The following ASPM variants were observed in gnomAD, a reference collection of about 807,000 sequenced individuals.
The protein encoded by ASPM is abnormal spindle-like microcephaly-associated protein.
A neutral mutation model predicts 366.4 loss-of-function variants in ASPM; 256 were observed. The ratio of observed to expected loss-of-function variants is 0.70; its 90% CI spans 0.63 to 0.77. ASPM has a LOEUF of 0.77. Among genes scored for constraint, ASPM ranks in the 30% least tolerant of loss-of-function variants. The pLI, the probability that ASPM is intolerant of heterozygous loss-of-function variation, is 0.00. For synonymous variants in ASPM, 1,414 were observed against 1,342.9 expected (o/e 1.05, Z -1.16); for missense variants, 4,146 against 4,090.4 (o/e 1.01, Z -0.37).
chr1:197,135,235 G>C lies in ASPM; in HGVS notation c.2034C>G (p.Pro678=), dbSNP rs1353187923. The part of the protein sequence containing the change: ...TFIKPLKTDI[P]RHPMPFAAKN... Reference sequence around the variant, plus strand: ...TTGCAGCAAATGGCATCGGGTGTCTGGGAATATCTAAGAATACAATTAGGT... The same window carrying C: ...TTGCAGCAAATGGCATCGGGTGTCTCGGAATATCTAAGAATACAATTAGGT... The change falls in exon 5 of 28, where the codon CCC becomes CCG. Residue 678 remains proline, a synonymous_variant. Coordinates refer to ENST00000367409, the MANE Select transcript of ASPM (RefSeq NM_018136.5). The C allele has an allele frequency of 6.2e-7, 1 of 1,613,910 alleles. No individual in the cohort carries two copies. The highest frequency in any genetic ancestry group is 1.7e-5 in the Admixed American group (1 of 60,016).
rs537315382 is a variant in ASPM at position 197,121,012 on chromosome 1, C to T, written c.3870+903G>A. Among the ~76,000 whole-genome samples, 4 of 152,218 alleles carry T rather than the reference C, an allele frequency of 2.6e-5. No individual in the cohort carries two copies. In the East Asian group the frequency reaches 7.7e-4, roughly 29 times the overall value. ...GTTGTCAAAATTTATCTGTTTTACA[C>T]AGCTACCAAGAACTTTATCACAGAT... On this transcript the variant is annotated intron_variant, in intron 16 of 27. Transcript: ENST00000367409.
Position 197,090,003 on chromosome 1 carries a change from C to A in ASPM, c.9911G>T (p.Arg3304Leu). The A allele has an allele frequency of 2.5e-6, 4 of 1,613,044 alleles. No individual in the cohort carries two copies. Among genetic ancestry groups the A allele is most frequent in the Non-Finnish European group, 3.4e-6 (4 of 1,179,478 alleles). Residue 3304 changes from arginine to leucine, a missense_variant, in exon 25 of 28, where the codon CGA becomes CTA. Coordinates refer to ENST00000367409, the MANE Select transcript of ASPM (RefSeq NM_018136.5). Reference sequence around the variant, plus strand: ...ACAAGGAATACTGCGATTACAACTTCGGATCAAAACAAATATTTTAGAAAT... The same window carrying A: ...ACAAGGAATACTGCGATTACAACTTAGGATCAAAACAAATATTTTAGAAAT... ...GAISKIFVLIRSCNRSIPCME... is the reference protein window; with the variant it reads ...GAISKIFVLILSCNRSIPCME...
In ASPM at chr1:197,109,895, T is replaced by C. The variant is rs556844167; in HGVS notation, c.4066-4710A>G. On this transcript the variant is annotated intron_variant, in intron 17 of 27. Transcript: ENST00000367409. ...CAAAATAAAATAAGATACTGAGGTA[T>C]GAATCTAACAAAAAGCTGATGATGA... 6.5e-4 allele frequency among the ~76,000 whole-genome samples: 99 copies of C among 152,150 alleles called. 2 individuals are homozygous for C. Among genetic ancestry groups the C allele is most frequent in the Admixed American group, 5.5e-3 (84 of 15,262 alleles).
In ASPM at chr1:197,105,407, T is replaced by A. The variant is rs112887421; in HGVS notation, c.4066-222A>T. Among the ~76,000 whole-genome samples the A allele has an allele frequency of 8.4e-3, 1,274 of 152,120 alleles. 15 individuals are homozygous for A. The highest frequency in any genetic ancestry group is 0.028 in the African/African-American group (1,173 of 41,532). ...AATCCATCCAAATCTTCATTATATT[T>A]AAATACTGCATTTGTATGCCAGAAT... On this transcript the variant is annotated intron_variant, in intron 17 of 27. Coordinates refer to ENST00000367409, the MANE Select transcript of ASPM (RefSeq NM_018136.5).
intron 5 of ASPM, among the ~76,000 whole-genome samples, chr1:197,134,832 G>A (rs1038428179): frequency 6.6e-6 from 1 of 152,200 alleles, no homozygotes; most frequent in Admixed American, 6.5e-5. Context: ...TGCCCAAAGT[G>A]GGCAGGCCAC....
rs139431502 is a variant in ASPM at position 197,105,168 on chromosome 1, A to G, written c.4083T>C (p.Tyr1361=). The change falls in exon 18 of 28, where the codon TAT becomes TAC. Residue 1361 remains tyrosine, a synonymous_variant. Coordinates refer to ENST00000367409, the MANE Select transcript of ASPM (RefSeq NM_018136.5). The part of the protein sequence containing the change: ...ASLIQGYWRR[Y]STRQRFLKLK... ...ATTTCAGAAATCTTTGTCTAGTGGA[A>G]TATCTTCTCCAATATCCCTGGAAAA... 38 of 1,605,688 alleles carry G rather than the reference A, an allele frequency of 2.4e-5. No individual in the cohort carries two copies. The highest frequency in any genetic ancestry group is 3.0e-5 in the Non-Finnish European group (35 of 1,173,554).
At chr1:197,084,522 G>T in intron 27 of ASPM, 96 bp from the exon 28 acceptor site, 1 of 783,580 alleles carries the variant, frequency 1.3e-6, no homozygotes, top group Non-Finnish European at 2.2e-6. Flanking sequence ...AGCTACTCCT[G>T]AACACATCAT....
chr1:197,102,509 C>A lies in ASPM; in HGVS notation c.6742G>T (p.Ala2248Ser). The change falls in exon 18 of 28, where the codon GCT becomes TCT. Residue 2248 changes from alanine to serine, a missense_variant. Physicochemically the swap from Ala to Ser is moderately conservative, Grantham distance 99. This residue lies in a region of ASPM where 3,624 missense variants were observed against 3,591.7 expected (regional missense o/e 1.01). Transcript: ENST00000367409. Reference protein sequence around the residue: ...KLRHSVIYIQAIFRGKKARRH... With the variant: ...KLRHSVIYIQSIFRGKKARRH... ...CTAGCTTTCTTTCCCCTAAAAATAG[C>A]CTGAATGTATATTACAGAATGCCTC... 1 of 1,612,630 alleles carries A rather than the reference C, an allele frequency of 6.2e-7. No individual in the cohort carries two copies. The highest frequency in any genetic ancestry group is 8.5e-7 in the Non-Finnish European group (1 of 1,179,256).
chr1:197,112,328 G>T (rs748633934), intron 17 of ASPM, among the ~76,000 whole-genome samples: 1 of 152,058 alleles, frequency 6.6e-6, no homozygotes, highest in Non-Finnish European at 1.5e-5. Context: ...TGGACACACA[G>T]AGGGAAACAA....
Position 197,102,193 on chromosome 1 carries a change from CT to C in ASPM, c.7057del (p.Arg2353AspfsTer5). ...STFRMHRLHM[R>X]YQALKQASVV... is the part of the protein sequence containing the mutation. The stretch of plus-strand genomic sequence containing the variant: ...GGAGGCCTGTTTCAAAGCCTGATAT[CT>C]CATATGTAATCTGTGCATTCTGAAA... On this transcript the variant is annotated frameshift_variant, in exon 18 of 28. Coordinates refer to ENST00000367409, the MANE Select transcript of ASPM (RefSeq NM_018136.5). LOFTEE classifies it high-confidence loss of function. 1 of 1,612,776 alleles carries C rather than the reference CT, an allele frequency of 6.2e-7. No individual in the cohort carries two copies. The highest frequency in any genetic ancestry group is 8.5e-7 in the Non-Finnish European group (1 of 1,179,270).
rs2125093720 is a variant in ASPM at position 197,101,109 on chromosome 1, TG to T, written c.8141del (p.Ala2714GlufsTer15). 2 of 1,612,092 alleles carry T rather than the reference TG, an allele frequency of 1.2e-6. No individual in the cohort carries two copies. Among genetic ancestry groups the T allele is most frequent in the Non-Finnish European group, 1.7e-6 (2 of 1,178,932 alleles). On this transcript the variant is annotated frameshift_variant, in exon 18 of 28. Coordinates refer to ENST00000367409, the MANE Select transcript of ASPM (RefSeq NM_018136.5). LOFTEE classifies it high-confidence loss of function. ...TATAATAATTCTGTATAACCACAAT[TG>T]CAGTTTTCTTTGTTTCATAATCAAC... is the stretch of plus-strand genomic sequence containing the variant. ...AKVDYETKKTAIVVIQNYYRL... is the reference protein window; with the variant it reads ...AKVDYETKKTXIVVIQNYYRL...
chr1:197,125,820 A>T (rs1571617374), intron 10 of ASPM, among the ~76,000 whole-genome samples: 1 of 152,064 alleles, frequency 6.6e-6, no homozygotes, highest in Non-Finnish European at 1.5e-5. Context: ...GCAAACCCCA[A>T]CTGATTTCTG....
intron 3 of ASPM, among the ~76,000 whole-genome samples, chr1:197,141,956 C>A (rs1442225176): frequency 3.3e-5 from 5 of 152,186 alleles, no homozygotes; most frequent in African/African-American, 1.2e-4. Context: ...ACTAGAGGCT[C>A]AACCAGCTGG....
chr1:197,144,726 CTA>C (rs1387088384), intron 1 of ASPM, among the ~76,000 whole-genome samples: 1 of 151,994 alleles, frequency 6.6e-6, no homozygotes, highest in East Asian at 1.9e-4. Flanking sequence ...CCCAGGCAGT[CTA>C]ATGCCAGAGT....
Position 197,140,181 on chromosome 1 carries a change from T to C in ASPM, c.1922-310A>G, listed in dbSNP as rs778490095. On this transcript the variant is annotated intron_variant, in intron 3 of 27. Coordinates refer to ENST00000367409, the MANE Select transcript of ASPM (RefSeq NM_018136.5). ...GCTGAGAATATGCAGAATTGAAAAA[T>C]ATGGTCTCAGCCCTGAAGTAGTTCT... Among the ~76,000 whole-genome samples the C allele has an allele frequency of 2.2e-4, 33 of 152,254 alleles. 1 individual carries two copies. The highest frequency in any genetic ancestry group is 3.4e-3 in the Middle Eastern group (1 of 294).
At chr1:197,132,609 T>C (rs1571622279) in intron 6 of ASPM, among the ~76,000 whole-genome samples, 2 of 152,068 alleles carry the variant, frequency 1.3e-5, no homozygotes, top group Admixed American at 6.6e-5. Context: ...CTGGAAGAGA[T>C]ACCTGCATTC....
chr1:197,142,290 T>C, intron 3 of ASPM, 41 bp downstream of exon 3: 1 of 1,587,622 alleles, frequency 6.3e-7, no homozygotes, highest in Non-Finnish European at 8.6e-7. Flanking sequence ...AAGTATCCCC[T>C]TTACAGGTAT....
intron 7 of ASPM, among the ~76,000 whole-genome samples, 189 bp from the exon 8 acceptor site, chr1:197,130,245 T>C (rs1364541942): frequency 1.3e-5 from 2 of 152,200 alleles, no homozygotes; most frequent in Non-Finnish European, 2.9e-5. Context: ...GTATATAGTA[T>C]ACGTTGCAAT....
Position 197,089,998 on chromosome 1 carries a change from A to T in ASPM, c.9916T>A (p.Cys3306Ser). ...TCCATACAAGGAATACTGCGATTAC[A>T]ACTTCGGATCAAAACAAATATTTTA... ...ISKIFVLIRSCNRSIPCMEVI... is the reference protein window; with the variant it reads ...ISKIFVLIRSSNRSIPCMEVI... Residue 3306 changes from cysteine (C) to serine (S), a missense_variant, in exon 25 of 28, where the codon TGT becomes AGT. Transcript: ENST00000367409. 2 of 1,613,420 alleles carry T rather than the reference A, an allele frequency of 1.2e-6. No homozygotes were observed. Among genetic ancestry groups the T allele is most frequent in the Non-Finnish European group, 8.5e-7 (1 of 1,179,572 alleles).
Sources: allele counts gnomAD v4.1 joint callset (sites outside exome capture counted in the v4.1 genomes callset), GRCh38; gene constraint gnomAD v4.1.1; regional missense constraint gnomAD v4.1.1; transcripts MANE v1.5; gene names NCBI Gene and HGNC (gene_info 2026-07-23, HGNC 2026-07-21).